The following KAZN variants were observed in gnomAD, a reference collection of about 807,000 sequenced individuals.
The protein encoded by KAZN is kazrin, periplakin interacting protein, also known as kazrin.
In KAZN, 40 loss-of-function variants were observed where a neutral mutation model predicts 87.4. That is an observed-to-expected ratio of 0.46 (90% CI 0.36 to 0.60). KAZN has a LOEUF of 0.60. Ranked by LOEUF, KAZN falls within the 20% of genes least tolerant of loss-of-function variation. The probability of loss-of-function intolerance (pLI) is 0.00; values close to 1 mark genes in which losing one functional copy is unlikely to be tolerated. For synonymous variants in KAZN, 466 were observed against 458.3 expected, an observed-to-expected ratio of 1.02 and a Z score of -0.22; for missense variants, 898 against 1,073.9, an observed-to-expected ratio of 0.84 and a Z score of 2.29.
At chr1:14,401,729 A>G (rs981823230) in intron 2 of KAZN, among the ~76,000 whole-genome samples, 1 of 152,170 alleles carries the variant, frequency 6.6e-6, no homozygotes, top group African/African-American at 2.4e-5. Context: ...AAATCTATCA[A>G]TATAATTCAT....
chr1:14,420,440 C>G (rs58381337), intron 2 of KAZN, among the ~76,000 whole-genome samples: 1 of 152,220 alleles, frequency 6.6e-6, no homozygotes, highest in Non-Finnish European at 1.5e-5. Flanking sequence ...TGGATTCCCC[C>G]ACCGGAGCCA....
chr1:14,645,311 A>G (rs1242097838), intron 1 of KAZN, among the ~76,000 whole-genome samples: 3 of 152,132 alleles, frequency 2.0e-5, no homozygotes, highest in Non-Finnish European at 2.9e-5. Context: ...TATGAATTCT[A>G]AAATAGTTTT....
intron 2 of KAZN, among the ~76,000 whole-genome samples, chr1:14,281,770 A>G (rs1442968047): frequency 6.6e-6 from 1 of 152,216 alleles, no homozygotes; most frequent in Non-Finnish European, 1.5e-5. Context: ...AACAACAGAG[A>G]CCCTGCTTCC....
chr1:13,958,305 T>G (rs1225887066), intron 1 of KAZN, among the ~76,000 whole-genome samples: 1 of 152,162 alleles, frequency 6.6e-6, no homozygotes, highest in Non-Finnish European at 1.5e-5. Context: ...GTGCGGTGGC[T>G]CACGCCTGTA....
At chr1:14,867,623 G>T (rs1049831217) in intron 1 of KAZN, among the ~76,000 whole-genome samples, 1 of 152,100 alleles carries the variant, frequency 6.6e-6, no homozygotes, top group Admixed American at 6.5e-5. Flanking sequence ...GATGTCAGGT[G>T]CTGCTGTTTG....
chr1:14,449,947 A>G (rs1667177805), intron 2 of KAZN, among the ~76,000 whole-genome samples: 1 of 152,288 alleles, frequency 6.6e-6, no homozygotes, highest in Non-Finnish European at 1.5e-5. Context: ...AAATCATGGT[A>G]AAAGGAATTT....
chr1:15,050,861 G>A (rs1674326454), intron 4 of KAZN, among the ~76,000 whole-genome samples: 1 of 152,180 alleles, frequency 6.6e-6, no homozygotes. Flanking sequence ...TTAGTCATTG[G>A]TCCTTGGTGT....
chr1:14,788,409 C>T (rs759975654), intron 1 of KAZN, among the ~76,000 whole-genome samples: 31 of 152,134 alleles, frequency 2.0e-4, no homozygotes, highest in Non-Finnish European at 3.4e-4. Flanking sequence ...TGATTAACCA[C>T]AAATACTAAG....
chr1:14,526,509 G>A (rs1453477782), intron 2 of KAZN, among the ~76,000 whole-genome samples: 1 of 152,230 alleles, frequency 6.6e-6, no homozygotes, highest in Non-Finnish European at 1.5e-5. Flanking sequence ...AGCCACGTAA[G>A]CTACAAAGTT....
chr1:14,192,827 T>C (rs1313661183), intron 2 of KAZN, among the ~76,000 whole-genome samples: 1 of 152,208 alleles, frequency 6.6e-6, no homozygotes, highest in Admixed American at 6.5e-5. Flanking sequence ...AGAATAGCTA[T>C]GTTGAAGTCC....
At chr1:14,829,578 AG>A (rs1295769378) in intron 1 of KAZN, among the ~76,000 whole-genome samples, 1 of 152,212 alleles carries the variant, frequency 6.6e-6, no homozygotes, top group Non-Finnish European at 1.5e-5. Context: ...TCTGAAAAAA[AG>A]AAAAGAGTAA....
chr1:14,759,635 C>T (rs1009739395), intron 1 of KAZN, among the ~76,000 whole-genome samples: 79 of 152,220 alleles, frequency 5.2e-4, no homozygotes, highest in African/African-American at 1.9e-3. Flanking sequence ...TAGGAAGCAT[C>T]AGACGGCTTT....
intron 1 of KAZN, among the ~76,000 whole-genome samples, chr1:13,894,768 A>G (rs1252024371): frequency 1.3e-5 from 2 of 152,198 alleles, no homozygotes; most frequent in Non-Finnish European, 2.9e-5. Context: ...CTGCAAAACA[A>G]GAGAACTGGA....
chr1:14,853,186 C>G (rs1392894522), intron 1 of KAZN, among the ~76,000 whole-genome samples: 7 of 152,174 alleles, frequency 4.6e-5, no homozygotes, highest in Non-Finnish European at 1.0e-4. Flanking sequence ...GTCCCTCCCC[C>G]AGGGATCTGC....
At chr1:14,433,022 A>T (rs1394432664) in intron 2 of KAZN, among the ~76,000 whole-genome samples, 6 of 152,108 alleles carry the variant, frequency 3.9e-5, no homozygotes, top group Non-Finnish European at 8.8e-5. Flanking sequence ...GCACACACAC[A>T]CACACAAATT....
intron 1 of KAZN, among the ~76,000 whole-genome samples, chr1:14,795,186 C>T (rs768315393): frequency 2.6e-5 from 4 of 152,086 alleles, no homozygotes; most frequent in Non-Finnish European, 5.9e-5. Context: ...CACGTAAGTC[C>T]GTTCTCCTAA....
chr1:14,468,675 G>A lies in KAZN; in HGVS notation c.250-130308G>A, dbSNP rs145813132. On this transcript the variant is annotated intron_variant, in intron 2 of 16. Transcript: ENST00000636203. ...AATCAAAGCTAAATTAGGGGTATTG[G>A]AGATTGAGTGCAGGCAAGGCACAAA... 1.2e-4 allele frequency among the ~76,000 whole-genome samples: 19 copies of A among 152,308 alleles called. No homozygotes were observed. In the East Asian group the frequency reaches 3.7e-3, roughly 29 times the overall value.
intron 2 of KAZN, among the ~76,000 whole-genome samples, chr1:14,205,983 G>A (rs1475924107): frequency 6.7e-6 from 1 of 148,826 alleles, no homozygotes; most frequent in Non-Finnish European, 1.5e-5. Context: ...TAAGAAGCCT[G>A]CATGTTGTGC....
chr1:14,221,021 G>A (rs1647084872), intron 2 of KAZN, among the ~76,000 whole-genome samples: 1 of 152,124 alleles, frequency 6.6e-6, no homozygotes, highest in Admixed American at 6.6e-5. Flanking sequence ...CGGGATGCTG[G>A]CTAATCAGGT....
Sources: allele counts gnomAD v4.1 joint callset (sites outside exome capture counted in the v4.1 genomes callset), GRCh38; gene constraint gnomAD v4.1.1; transcripts MANE v1.5; gene names NCBI Gene and HGNC (gene_info 2026-07-23, HGNC 2026-07-21).